DNMBP: variants seen among roughly 807,000 people sequenced by gnomAD.
DNMBP encodes the protein dynamin binding protein.
Under a neutral mutation model 150.0 loss-of-function variants are expected in DNMBP, and 87 were observed. That is an observed-to-expected ratio of 0.58 (90% CI 0.49 to 0.69). The LOEUF (loss-of-function observed/expected upper bound fraction) is 0.69. Ranked by LOEUF, DNMBP falls within the 30% of genes least tolerant of loss-of-function variation. DNMBP has a pLI of 0.00. For synonymous variants in DNMBP, 711 were observed against 750.4 expected, an observed-to-expected ratio of 0.95 and a Z score of 0.86; for missense variants, 1,774 against 1,949.0, an observed-to-expected ratio of 0.91 and a Z score of 1.69.
Position 99,956,558 on chromosome 10 carries a change from C to T in DNMBP, c.916G>A (p.Glu306Lys), listed in dbSNP as rs1302412208. 5 of 1,614,016 alleles carry T rather than the reference C, an allele frequency of 3.1e-6. No individual in the cohort carries two copies. The highest frequency in any genetic ancestry group is 1.7e-5 in the Admixed American group (1 of 59,992). The stretch of plus-strand genomic sequence containing the variant: ...TCCTGGGGCAGAGCCATGGTTTCCT[C>T]CACCCGTGTGTCAGGACATAATTTC... ...FVKLCPDTRVEETMALPQEGS... is the reference protein window; with the variant it reads ...FVKLCPDTRVKETMALPQEGS... The change falls in exon 4 of 17, where the codon GAG (glutamate) becomes AAG (lysine). Residue 306 changes from glutamate (E) to lysine (K), a missense_variant. This residue lies in a region of DNMBP where 344 missense variants were observed against 456.6 expected (regional missense o/e 0.75). Coordinates refer to ENST00000324109, the MANE Select transcript of DNMBP (RefSeq NM_015221.4).
Position 99,979,912 on chromosome 10 carries a change from C to A in DNMBP, c.-10-7778G>T, listed in dbSNP as rs559761644. 2.6e-3 allele frequency among the ~76,000 whole-genome samples: 391 copies of A among 152,290 alleles called. 1 individual carries two copies. The highest frequency in any genetic ancestry group is 2.9e-3 in the Non-Finnish European group (196 of 68,024). ...CGCTCAGAACTTGTTTTTTGGTTTACTGCTGTTTATTTCCTCCATGGTCAG... is the reference window on the plus strand; with the variant it reads ...CGCTCAGAACTTGTTTTTTGGTTTAATGCTGTTTATTTCCTCCATGGTCAG... On this transcript the variant is annotated intron_variant, in intron 1 of 16. Coordinates refer to ENST00000324109, the MANE Select transcript of DNMBP (RefSeq NM_015221.4).
At position 99,947,587 on chromosome 10, in the gene DNMBP, G is replaced by C. The variant is rs796582701; in HGVS notation, c.2260+7627C>G. ...CAATGGAGGGAGGGAGGGAGGGAGG[G>C]AGGCAAAGGTTGAAAAACTGCCTAT... On this transcript the variant is annotated intron_variant, in intron 4 of 16. Transcript: ENST00000324109. Among the ~76,000 whole-genome samples the C allele has an allele frequency of 3.4e-5, 5 of 145,684 alleles. No individual in the cohort carries two copies. The South Asian group carries it at 1.2e-3, about 35-fold the overall frequency.
At chr10:99,879,685 G>A (rs1316313849) in intron 16 of DNMBP, 126 bp downstream of exon 16, 7 of 1,463,560 alleles carry the variant, frequency 4.8e-6, no homozygotes, top group Non-Finnish European at 6.3e-6. Flanking sequence ...CTTGAAAGGT[G>A]TGTCTGTGAG....
rs190894204 is a variant in DNMBP, at chr10:99,992,364, T to A, written c.-11+17474A>T. On this transcript the variant is annotated intron_variant, in intron 1 of 16. Transcript: ENST00000324109. ...CTTAACTTTTTATTAAAACAATTAC[T>A]TAATTACTTACTTGCTTCTTTGGAG... 4.8e-3 allele frequency among the ~76,000 whole-genome samples: 733 copies of A among 152,202 alleles called. 11 individuals carry two copies. The highest frequency in any genetic ancestry group is 0.016 in the African/African-American group (661 of 41,526).
chr10:99,883,669 T>A (rs868806170), intron 15 of DNMBP, among the ~76,000 whole-genome samples: 648 of 81,286 alleles, frequency 8.0e-3, no homozygotes, highest in Middle Eastern at 0.046. Flanking sequence ...AAAAAAAAAA[T>A]TTGAAAAGAG....
At chr10:99,952,439 T>C (rs1412275362) in intron 4 of DNMBP, among the ~76,000 whole-genome samples, 1 of 152,208 alleles carries the variant, frequency 6.6e-6, no homozygotes, top group East Asian at 1.9e-4. Context: ...GTATCTGGCA[T>C]TCCCCTGAGA....
rs539423890 is a variant in DNMBP, at chr10:99,972,091, C to T, written c.34G>A (p.Asp12Asn). 1.9e-6 allele frequency: 3 copies of T among 1,613,210 alleles called. No homozygotes were observed. The highest frequency in any genetic ancestry group is 2.7e-5 in the African/African-American group (2 of 74,906). The change falls in exon 2 of 17, where the codon GAC becomes AAC. Residue 12 changes from aspartate to asparagine, a missense_variant. This residue lies in a region of DNMBP where 344 missense variants were observed against 456.6 expected (regional missense o/e 0.75). Transcript: ENST00000324109. Reference protein sequence around the residue: ...EAGSVVRAIFDFCPSVSEELP... With the variant: ...EAGSVVRAIFNFCPSVSEELP... ...TCTTCTGATACGCTAGGGCAGAAGT[C>T]AAAAATGGCTCGAACCACTGAGCCA...
intron 1 of DNMBP, among the ~76,000 whole-genome samples, chr10:99,982,843 T>C (rs1371440661): frequency 6.6e-6 from 1 of 151,952 alleles, no homozygotes; most frequent in Non-Finnish European, 1.5e-5. Context: ...TTCCAGCTAC[T>C]CAGGGCGGGG....
At chr10:99,992,444 G>T (rs1752736322) in intron 1 of DNMBP, among the ~76,000 whole-genome samples, 1 of 151,680 alleles carries the variant, frequency 6.6e-6, no homozygotes. Flanking sequence ...TTTAATAATA[G>T]AACCTGGCTG....
intron 1 of DNMBP, among the ~76,000 whole-genome samples, chr10:99,980,884 C>T (rs1310499272): frequency 6.6e-6 from 1 of 151,914 alleles, no homozygotes; most frequent in African/African-American, 2.4e-5. Flanking sequence ...ACAGAGGGGT[C>T]AAATTCATAA....
chr10:99,997,694 C>A (rs2040963406), intron 1 of DNMBP, among the ~76,000 whole-genome samples: 1 of 151,912 alleles, frequency 6.6e-6, no homozygotes, highest in South Asian at 2.1e-4. Flanking sequence ...TGCCTATAAT[C>A]CCAGCACTTT....
chr10:99,999,731 A>G (rs770803462), intron 1 of DNMBP, among the ~76,000 whole-genome samples: 9 of 152,224 alleles, frequency 5.9e-5, no homozygotes, highest in Non-Finnish European at 1.2e-4. Flanking sequence ...AATGCAGAGT[A>G]TATGTAGGGT....
chr10:99,965,496 C>CTT lies in DNMBP; in HGVS notation c.268+3617_268+3618dup, dbSNP rs35603478. On this transcript the variant is annotated intron_variant, in intron 3 of 16. Transcript: ENST00000324109. ...CAGATCTCAAACATTATCTCACATA[C>CTT]TTTTTTTTTTTTTTTTTTGAGATGG... Among the ~76,000 whole-genome samples the CTT allele has an allele frequency of 1.6e-3, 214 of 134,372 alleles. 2 individuals carry two copies. The highest frequency in any genetic ancestry group is 2.2e-3 in the Admixed American group (29 of 12,960). 88.2% of individuals were successfully genotyped at this position (134,372 alleles called of 152,430 possible). A position where few individuals can be genotyped will look rare whatever the true frequency, so the allele number is the denominator to read the frequency against.
chr10:99,957,097 A>G lies in DNMBP; in HGVS notation c.377T>C (p.Leu126Pro). 1 of 1,614,126 alleles carries G rather than the reference A, an allele frequency of 6.2e-7. No individual in the cohort carries two copies. Among genetic ancestry groups the G allele is most frequent in the Non-Finnish European group, 8.5e-7 (1 of 1,180,010 alleles). ...GTGCCACTGCCGGCTCTGTGAGGAG[A>G]GGCAGAGCTCGCGGACACATGAAGA... The part of the protein sequence containing the change: ...FPSSCVRELC[L>P]SSQSRQWHSQ... The change falls in exon 4 of 17, where the codon CTC becomes CCC. Residue 126 changes from leucine (L) to proline (P), a missense_variant. Physicochemically the swap from Leu to Pro is moderately conservative, Grantham distance 98. Around this residue, in one of 2 missense-constraint regions of DNMBP, gnomAD observed 344 missense variants for 456.6 expected, o/e 0.75. Coordinates refer to ENST00000324109, the MANE Select transcript of DNMBP (RefSeq NM_015221.4).
At chr10:99,919,610 T>C (rs887678487) in intron 4 of DNMBP, among the ~76,000 whole-genome samples, 5 of 152,210 alleles carry the variant, frequency 3.3e-5, no homozygotes, top group African/African-American at 1.2e-4. Context: ...CTGGCCAACA[T>C]GGTAAAACCC....
intron 3 of DNMBP, chr10:99,957,944 G>C (rs1252671855): frequency 6.6e-6 from 1 of 152,174 alleles, no homozygotes; most frequent in Non-Finnish European, 1.5e-5. Flanking sequence ...GAGCAGCCTG[G>C]TCAACATGGT....
chr10:99,876,593 G>A lies in DNMBP; in HGVS notation c.*558C>T, dbSNP rs928930901. 6 of 152,310 alleles carry A rather than the reference G, an allele frequency of 3.9e-5. No individual in the cohort carries two copies. The highest frequency in any genetic ancestry group is 2.1e-4 in the South Asian group (1 of 4,830). 9.4% of individuals were successfully genotyped at this position (152,310 alleles called of 1,614,324 possible). On this transcript the variant is annotated 3_prime_UTR_variant, in exon 17 of 17. Coordinates refer to ENST00000324109, the MANE Select transcript of DNMBP (RefSeq NM_015221.4). ...TTAGGGACTTTAGAAATTAGGGGCAGTATGTATGAGAATGTGTGCTGGACA... is the reference window on the plus strand; with the variant it reads ...TTAGGGACTTTAGAAATTAGGGGCAATATGTATGAGAATGTGTGCTGGACA...
chr10:99,948,681 A>G (rs7083847), intron 4 of DNMBP, among the ~76,000 whole-genome samples: 71,273 of 151,956 alleles, frequency 0.47, 17,712 homozygotes, highest in African/African-American at 0.63. Context: ...TAAAAACCAA[A>G]GCTGGGCATG....
chr10:99,914,168 T>A (rs2039935931), intron 4 of DNMBP: 1 of 1,263,686 alleles, frequency 7.9e-7, no homozygotes, highest in Non-Finnish European at 1.0e-6. Flanking sequence ...GCTGGAACCC[T>A]AAGCGTACTG....
Sources: allele counts gnomAD v4.1 joint callset (sites outside exome capture counted in the v4.1 genomes callset), GRCh38; gene constraint gnomAD v4.1.1; regional missense constraint gnomAD v4.1.1; transcripts MANE v1.5; gene names NCBI Gene and HGNC (gene_info 2026-07-23, HGNC 2026-07-21).